The following TSPAN17 variants were observed in gnomAD, a reference collection of about 807,000 sequenced individuals.
The protein encoded by TSPAN17 is tetraspanin 17, also known as tetraspanin-17.
A neutral mutation model predicts 40.5 loss-of-function variants in TSPAN17; 33 were observed. That is an observed-to-expected ratio of 0.81 (90% CI 0.62 to 1.09). TSPAN17 has a LOEUF of 1.09. TSPAN17 is among the 50% of genes least tolerant of loss of function. TSPAN17 has a pLI of 0.00. For synonymous variants in TSPAN17, 166 were observed against 169.4 expected (o/e 0.98, Z 0.15); for missense variants, 365 against 416.8 (o/e 0.88, Z 1.08).
Position 176,657,607 on chromosome 5 carries a change from T to C in TSPAN17, c.899T>C (p.Leu300Pro), listed in dbSNP as rs1761209192. The C allele has an allele frequency of 2.5e-6, 4 of 1,613,682 alleles. No individual in the cohort carries two copies. Among genetic ancestry groups the C allele is most frequent in the Non-Finnish European group, 3.4e-6 (4 of 1,179,910 alleles). Reference sequence around the variant, plus strand: ...ACGGCGGGGCCTCAGCAGAACTCTCTGACTGGGGCCCCTGGCCCGGCCCCA... The same window carrying C: ...ACGGCGGGGCCTCAGCAGAACTCTCCGACTGGGGCCCCTGGCCCGGCCCCA... ...LSTAGPQQNS[L>P]TGAPGPAPPS... Residue 300 changes from leucine to proline, a missense_variant, in exon 9 of 9, where the codon CTG (leucine) becomes CCG (proline). Leu to Pro is a moderately conservative substitution (Grantham distance 98). Coordinates refer to ENST00000508164, the MANE Select transcript of TSPAN17 (RefSeq NM_130465.5).
intron 8 of TSPAN17, 93 bp from the exon 9 acceptor site, chr5:176,657,425 G>A: frequency 6.5e-7 from 1 of 1,533,478 alleles, no homozygotes; most frequent in African/African-American, 1.4e-5. Context: ...TCTATGAGCT[G>A]TAACTTTGAG....
intron 5 of TSPAN17, 56 bp downstream of exon 5, chr5:176,655,076 G>A: frequency 1.9e-6 from 3 of 1,547,640 alleles, no homozygotes. Flanking sequence ...AGACTCTGGA[G>A]AAACCTCCCA....
chr5:176,648,725 C>G (rs1481283505), intron 1 of TSPAN17, among the ~76,000 whole-genome samples: 2 of 152,240 alleles, frequency 1.3e-5, no homozygotes, highest in Non-Finnish European at 2.9e-5. Context: ...CAAGTCATCT[C>G]TCCTCTCCGG....
At chr5:176,649,385 G>C (rs1297242749) in intron 1 of TSPAN17, among the ~76,000 whole-genome samples, 2 of 151,756 alleles carry the variant, frequency 1.3e-5, no homozygotes, top group African/African-American at 4.8e-5. Context: ...GCAGACCCTG[G>C]TGTTGTTCTG....
At position 176,649,860 on chromosome 5, in the gene TSPAN17, C is replaced by T. The variant is rs112358106; in HGVS notation, c.88-1756C>T. ...TGTCAGGGCCTCTGCCTGTGCCCTA[C>T]CCTCCTCCTGGAACAGGCTTTTCCC... On this transcript the variant is annotated intron_variant, in intron 1 of 8. Coordinates refer to ENST00000508164, the MANE Select transcript of TSPAN17 (RefSeq NM_130465.5). Among the ~76,000 whole-genome samples, 793 of 152,338 alleles carry T rather than the reference C, an allele frequency of 5.2e-3. 7 individuals carry two copies. The highest frequency in any genetic ancestry group is 0.017 in the Middle Eastern group (5 of 294).
rs1761081225 is a variant in TSPAN17, at chr5:176,654,562, G to C, written c.457-333G>C. On this transcript the variant is annotated intron_variant, in intron 4 of 8. Coordinates refer to ENST00000508164, the MANE Select transcript of TSPAN17 (RefSeq NM_130465.5). This position sits in a 1 kb window ranked among gnomAD's most constrained non-coding sequence, Gnocchi z 4.3. ...GCAGACATGGGGCCCAGCGGTCTCT[G>C]CTGCCACAGGGCTTGGCCCAGCGCC... 3.7e-6 allele frequency: 1 copy of C among 273,154 alleles called. No homozygotes were observed. Among genetic ancestry groups the C allele is most frequent in the South Asian group, 5.7e-5 (1 of 17,472 alleles). The allele number at this position is 273,154 out of a possible 1,614,324, so 16.9% of individuals were successfully genotyped here.
intron 3 of TSPAN17, among the ~76,000 whole-genome samples, chr5:176,652,271 C>T (rs918453906): frequency 1.8e-4 from 28 of 152,226 alleles, no homozygotes; most frequent in African/African-American, 2.4e-5. Flanking sequence ...TCCCCATGCC[C>T]TCCCAGGAAC....
In TSPAN17 at chr5:176,654,493, G is replaced by A. The variant is rs762208878; in HGVS notation, c.457-402G>A. On this transcript the variant is annotated intron_variant, in intron 4 of 8. Transcript: ENST00000508164. The surrounding 1 kb of genome is among the most constrained non-coding windows in gnomAD (Gnocchi z 4.3). The stretch of plus-strand genomic sequence containing the variant: ...CCCTCCTGTCCCTGCACTGAAGAGA[G>A]GAGGGCTTTGTAGAACCTCTGGGGC... The A allele has an allele frequency of 1.6e-4, 32 of 201,502 alleles. No homozygotes were observed. The highest frequency in any genetic ancestry group is 2.8e-4 in the Non-Finnish European group (27 of 97,882). 12.5% of individuals were successfully genotyped at this position (201,502 alleles called of 1,614,324 possible).
At chr5:176,652,690 G>C in intron 3 of TSPAN17, 53 bp from the exon 4 acceptor site, 1 of 1,577,648 alleles carries the variant, frequency 6.3e-7, no homozygotes, top group Non-Finnish European at 8.7e-7. Context: ...AGCCCTGGGA[G>C]GTCACCAGAG....
In TSPAN17 at chr5:176,656,089, C is replaced by G. The variant is rs537382934; in HGVS notation, c.594C>G (p.Leu198=). 2.0e-4 allele frequency: 327 copies of G among 1,614,162 alleles called. 12 individuals are homozygous for G. The South Asian group carries it at 3.4e-3, about 17-fold the overall frequency. The part of the protein sequence containing the change: ...CCVRDPAEDV[L]NTQCGYDVRL... Reference sequence around the variant, plus strand: ...CTGTCTCCCCTCAGGAGGATGTCCTCAACACCCAGTGTGGCTACGACGTCC... The same window carrying G: ...CTGTCTCCCCTCAGGAGGATGTCCTGAACACCCAGTGTGGCTACGACGTCC... The change falls in exon 6 of 9, where the codon CTC becomes CTG. Residue 198 remains leucine (L), a synonymous_variant. Transcript: ENST00000508164.
intron 6 of TSPAN17, 39 bp from the exon 7 acceptor site, chr5:176,656,661 A>G: frequency 6.2e-7 from 1 of 1,604,542 alleles, no homozygotes; most frequent in Non-Finnish European, 8.5e-7. Flanking sequence ...GCCGGCCTGA[A>G]GGGCAGGTAG....
In TSPAN17 at chr5:176,657,570, G is replaced by C. The variant is rs770125058; in HGVS notation, c.862G>C (p.Glu288Gln). 6.2e-7 allele frequency: 1 copy of C among 1,613,286 alleles called. No homozygotes were observed. The highest frequency in any genetic ancestry group is 8.5e-7 in the Non-Finnish European group (1 of 1,179,540). ...CCACTGGCTTACGCCCACCATTTCC[G>C]AGGTCCTGTCCACGGCGGGGCCTCA... is the stretch of plus-strand genomic sequence containing the variant. ...ENHWLTPTIS[E>Q]VLSTAGPQQN... Residue 288 changes from glutamate (E) to glutamine (Q), a missense_variant, in exon 9 of 9, where the codon GAG becomes CAG. Physicochemically the swap from Glu to Gln is conservative, Grantham distance 29 (BLOSUM62 2). Coordinates refer to ENST00000508164, the MANE Select transcript of TSPAN17 (RefSeq NM_130465.5).
intron 5 of TSPAN17, 38 bp from the exon 6 acceptor site, chr5:176,656,040 G>A (rs200866658): frequency 2.3e-5 from 37 of 1,607,936 alleles, no homozygotes; most frequent in Admixed American, 5.0e-5. Flanking sequence ...CATGGGATGC[G>A]TCCTCACCAA....
In TSPAN17 at chr5:176,657,502, C is replaced by T; in HGVS notation, c.810-16C>T. On this transcript the variant is annotated splice_polypyrimidine_tract_variant and intron_variant, in intron 8 of 8. Transcript: ENST00000508164. ...AAATGGGTCCAAGAATTTTCTTTCT[C>T]TTGCTTGCCTCTCAGGAGCAAATGG... The T allele has an allele frequency of 1.9e-6, 3 of 1,560,938 alleles. No homozygotes were observed. The South Asian group carries it at 3.5e-5, about 18-fold the overall frequency.
chr5:176,657,366 G>A, intron 8 of TSPAN17, 152 bp from the exon 9 acceptor site: 1 of 1,340,536 alleles, frequency 7.5e-7, no homozygotes, highest in Non-Finnish European at 1.0e-6. Flanking sequence ...GTAGCTGTAT[G>A]GGGCGCGTTG....
intron 6 of TSPAN17, 30 bp downstream of exon 6, chr5:176,656,155 G>A (rs776973394): frequency 5.0e-6 from 8 of 1,613,444 alleles, no homozygotes; most frequent in Non-Finnish European, 6.8e-6. Context: ...GGCTGGGGCA[G>A]GCAGGCAGGG....
chr5:176,652,790 G>A lies in TSPAN17; in HGVS notation c.333G>A (p.Gly111=). The change falls in exon 4 of 9, where the codon GGG becomes GGA. Residue 111 remains glycine, a synonymous_variant. Transcript: ENST00000508164. ...GLIFFLELAT[G]ILAFVFKDWI... The stretch of plus-strand genomic sequence containing the variant: ...TCTTCTTCCTGGAGCTGGCAACAGG[G>A]ATCCTGGCCTTTGTCTTCAAGGACT... The A allele has an allele frequency of 1.9e-6, 3 of 1,614,130 alleles. No homozygotes were observed. Among genetic ancestry groups the A allele is most frequent in the Non-Finnish European group, 2.5e-6 (3 of 1,180,014 alleles).
In TSPAN17 at chr5:176,654,985, G is replaced by A. The variant is rs375912510; in HGVS notation, c.547G>A (p.Gly183Arg). ...CTTGAACCCCAGCCGGGAGCGCTGC[G>A]GGGTGCCCTTCTCCTGCTGCGTCAG... ...TDLNPSRERC[G>R]VPFSCCVRDP... Residue 183 changes from glycine (G) to arginine (R), a missense_variant, in exon 5 of 9, where the codon GGG (glycine) becomes AGG (arginine). Gly to Arg is a moderately radical substitution (Grantham distance 125, BLOSUM62 -2). Coordinates refer to ENST00000508164, the MANE Select transcript of TSPAN17 (RefSeq NM_130465.5). The surrounding 1 kb of genome is among the most constrained non-coding windows in gnomAD (Gnocchi z 4.3). 7.0e-5 allele frequency: 113 copies of A among 1,610,710 alleles called. No homozygotes were observed. Among genetic ancestry groups the A allele is most frequent in the Middle Eastern group, 1.6e-4 (1 of 6,078 alleles).
chr5:176,648,510 C>A (rs188328257), intron 1 of TSPAN17, among the ~76,000 whole-genome samples: 2 of 152,374 alleles, frequency 1.3e-5, no homozygotes, highest in Admixed American at 1.3e-4. Flanking sequence ...CTCCTGAGGC[C>A]TTGGGTCAAG....
Sources: gnomAD v4.1 joint callset for allele counts (sites outside exome capture counted in the v4.1 genomes callset) on GRCh38, gnomAD v4.1.1 for gene constraint, Gnocchi (gnomAD v3.1) non-coding constraint, MANE v1.5 for transcripts, NCBI Gene and HGNC (gene_info 2026-07-23, HGNC 2026-07-21) for gene names.